FGF12: variants seen among roughly 807,000 people sequenced by gnomAD.
The protein encoded by FGF12 is fibroblast growth factor 12, also known as fibroblast growth factor 12B.
Under a neutral mutation model 23.6 loss-of-function variants are expected in FGF12, and 14 were observed. The ratio of observed to expected loss-of-function variants is 0.59; its 90% CI spans 0.39 to 0.93. The LOEUF (loss-of-function observed/expected upper bound fraction) is 0.93, where lower values mean the gene tolerates loss of function less well. Among genes scored for constraint, FGF12 ranks in the 40% least tolerant of loss-of-function variants. FGF12 has a pLI of 0.00. For missense variants in FGF12, 175 were observed against 217.8 expected, an observed-to-expected ratio of 0.80 and a Z score of 1.24; for synonymous variants, 62 against 77.3, an observed-to-expected ratio of 0.80 and a Z score of 1.04.
At chr3:192,419,579 C>CA (rs781658689) in intron 2 of FGF12, among the ~76,000 whole-genome samples, 3 of 152,134 alleles carry the variant, frequency 2.0e-5, no homozygotes, top group Non-Finnish European at 2.9e-5. Flanking sequence ...TTCAAGAAAT[C>CA]AGACAGGTAT....
chr3:192,195,229 T>C (rs1366432581), intron 4 of FGF12, among the ~76,000 whole-genome samples: 1 of 152,234 alleles, frequency 6.6e-6, no homozygotes, highest in African/African-American at 2.4e-5. Flanking sequence ...ATGAGGATTT[T>C]ATTTCAACTA....
At chr3:192,623,500 T>C (rs1050294188) in intron 2 of FGF12, among the ~76,000 whole-genome samples, 2 of 152,246 alleles carry the variant, frequency 1.3e-5, no homozygotes, top group Non-Finnish European at 2.9e-5. Context: ...AAAATTGCGA[T>C]TGCTCTTTTG....
chr3:192,288,002 A>T (rs1714548370), intron 4 of FGF12, among the ~76,000 whole-genome samples: 1 of 152,016 alleles, frequency 6.6e-6, no homozygotes, highest in African/African-American at 2.4e-5. Context: ...ATTGTCTGTT[A>T]TTGTTTAATA....
intron 2 of FGF12, among the ~76,000 whole-genome samples, chr3:192,373,369 G>A (rs72607878): frequency 0.041 from 6,148 of 150,884 alleles, 440 homozygotes; most frequent in East Asian, 0.36. Context: ...GAAGAGTTCC[G>A]TGGCTCCAAG....
At chr3:192,573,454 C>T (rs1712739226) in intron 2 of FGF12, among the ~76,000 whole-genome samples, 1 of 152,122 alleles carries the variant, frequency 6.6e-6, no homozygotes. Flanking sequence ...AGTTGAAGGC[C>T]TGAGTAGAAC....
At chr3:192,405,821 T>C (rs959758558) in intron 2 of FGF12, among the ~76,000 whole-genome samples, 1 of 152,204 alleles carries the variant, frequency 6.6e-6, no homozygotes, top group African/African-American at 2.4e-5. Flanking sequence ...TTATTTGGCT[T>C]TGTTAGTGAA....
intron 4 of FGF12, among the ~76,000 whole-genome samples, chr3:192,297,009 T>G (rs1715076987): frequency 6.6e-6 from 1 of 152,172 alleles, no homozygotes. Flanking sequence ...TCTTCTAAAT[T>G]GCTTTGTTCA....
At chr3:192,723,368 A>C (rs1019582836) in intron 2 of FGF12, among the ~76,000 whole-genome samples, 2 of 151,934 alleles carry the variant, frequency 1.3e-5, no homozygotes, top group African/African-American at 4.8e-5. Context: ...TTAGACAGAT[A>C]ATATCAAATC....
At chr3:192,206,704 A>G (rs992907892) in intron 4 of FGF12, among the ~76,000 whole-genome samples, 1 of 152,188 alleles carries the variant, frequency 6.6e-6, no homozygotes, top group African/African-American at 2.4e-5. Context: ...GATAGGGTGG[A>G]TGATGGGGAC....
intron 2 of FGF12, among the ~76,000 whole-genome samples, chr3:192,525,924 G>A (rs752520994): frequency 9.9e-5 from 15 of 152,124 alleles, no homozygotes; most frequent in Non-Finnish European, 1.3e-4. Context: ...ACAGGTGTGC[G>A]CCACCACGCC....
intron 2 of FGF12, among the ~76,000 whole-genome samples, chr3:192,603,053 C>A (rs2366845): frequency 0.23 from 34,264 of 151,940 alleles, 4,569 homozygotes; most frequent in East Asian, 0.34. Flanking sequence ...ATAAGACCTT[C>A]TATGACAAAT....
At chr3:192,412,548 T>C (rs1486347594) in intron 2 of FGF12, among the ~76,000 whole-genome samples, 1 of 152,222 alleles carries the variant, frequency 6.6e-6, no homozygotes, top group Non-Finnish European at 1.5e-5. Context: ...GACTACTTTT[T>C]CCCTCGCACT....
chr3:192,511,768 C>A (rs958640249), intron 2 of FGF12, among the ~76,000 whole-genome samples: 1 of 152,030 alleles, frequency 6.6e-6, no homozygotes, highest in African/African-American at 2.4e-5. Flanking sequence ...CTTAAACAAT[C>A]CACTCAACCT....
chr3:192,289,898 T>C (rs570640753), intron 4 of FGF12, among the ~76,000 whole-genome samples: 8 of 152,318 alleles, frequency 5.3e-5, no homozygotes, highest in African/African-American at 1.9e-4. Context: ...CAGTGCCTCA[T>C]TCAACCTTCC....
intron 2 of FGF12, among the ~76,000 whole-genome samples, chr3:192,424,077 T>TA (rs1036918174): frequency 5.9e-5 from 7 of 119,242 alleles, no homozygotes; most frequent in Non-Finnish European, 1.2e-4. Flanking sequence ...AAATGAATTA[T>TA]AAAGTCTTCA....
At chr3:192,532,830 C>A (rs1725125492) in intron 2 of FGF12, among the ~76,000 whole-genome samples, 1 of 151,862 alleles carries the variant, frequency 6.6e-6, no homozygotes, top group African/African-American at 2.4e-5. Flanking sequence ...TTATTTTTTT[C>A]TTCTATGAGA....
intron 2 of FGF12, among the ~76,000 whole-genome samples, chr3:192,421,371 GA>G (rs1407962420): frequency 2.7e-5 from 4 of 148,996 alleles, no homozygotes; most frequent in Non-Finnish European, 5.9e-5. Context: ...TAAACAATAA[GA>G]AAAAAAAGTA....
intron 4 of FGF12, among the ~76,000 whole-genome samples, chr3:192,315,839 AC>A (rs1279148556): frequency 1.3e-5 from 2 of 152,186 alleles, no homozygotes; most frequent in African/African-American, 2.4e-5. Flanking sequence ...TTTGGCAGGA[AC>A]AACAAGGAGG....
At chr3:192,559,089 T>C (rs919402571) in intron 2 of FGF12, among the ~76,000 whole-genome samples, 4 of 151,710 alleles carry the variant, frequency 2.6e-5, no homozygotes, top group African/African-American at 4.8e-5. Context: ...AAAGCAAAAA[T>C]AGACAAATGG....
Sources: allele counts gnomAD v4.1 joint callset (sites outside exome capture counted in the v4.1 genomes callset), GRCh38; gene constraint gnomAD v4.1.1; transcripts MANE v1.5; gene names NCBI Gene and HGNC (gene_info 2026-07-23, HGNC 2026-07-21).